The following TBPL2 variants were observed in gnomAD, a reference collection of about 807,000 sequenced individuals.
TBPL2 encodes the protein TATA box-binding protein-like 2.
In TBPL2, 40 loss-of-function variants were observed where a neutral mutation model predicts 38.2. The ratio of observed to expected loss-of-function variants is 1.05; its 90% CI spans 0.81 to 1.36. The LOEUF (loss-of-function observed/expected upper bound fraction) is 1.36, where lower values mean the gene tolerates loss of function less well. Ranked by LOEUF, TBPL2 falls within the 40% of genes most tolerant of loss-of-function variation. TBPL2 has a pLI of 0.00. For synonymous variants in TBPL2, 169 were observed against 171.7 expected, an observed-to-expected ratio of 0.98 and a Z score of 0.12; for missense variants, 461 against 456.7, an observed-to-expected ratio of 1.01 and a Z score of -0.09.
At chr14:55,427,047 G>A (rs928155626) in intron 5 of TBPL2, among the ~76,000 whole-genome samples, 1 of 152,192 alleles carries the variant, frequency 6.6e-6, no homozygotes, top group East Asian at 1.9e-4. Context: ...ACACTAAGCC[G>A]ATTCAGAGAA....
At chr14:55,428,291 G>A (rs962481731) in intron 5 of TBPL2, among the ~76,000 whole-genome samples, 3 of 151,864 alleles carry the variant, frequency 2.0e-5, no homozygotes, top group South Asian at 2.1e-4. Context: ...TGCCACGCCC[G>A]GCTAATTTTT....
At chr14:55,433,938 T>A (rs1885974736) in intron 3 of TBPL2, among the ~76,000 whole-genome samples, 1 of 152,224 alleles carries the variant, frequency 6.6e-6, no homozygotes, top group African/African-American at 2.4e-5. Context: ...TAAATTTGAA[T>A]GCCTGTTATG....
chr14:55,437,008 G>GTTCC lies in TBPL2; in HGVS notation c.160_161insGGAA (p.Ala54GlyfsTer16). Reference sequence around the variant, plus strand: ...GCTGAACAGGGGAGACCTGGGTGGGGCAAGGCCATCCTAGGCAGTTCCCAA... The same window carrying GTTCC: ...GCTGAACAGGGGAGACCTGGGTGGGGTTCCCAAGGCCATCCTAGGCAGTTCCCAA... On this transcript the variant is annotated frameshift_variant, in exon 2 of 7. Coordinates refer to ENST00000247219, the Ensembl canonical transcript of TBPL2. LOFTEE classifies it high-confidence loss of function. 6.2e-7 allele frequency: 1 copy of GTTCC among 1,613,876 alleles called. No individual in the cohort carries two copies. The highest frequency in any genetic ancestry group is 8.5e-7 in the Non-Finnish European group (1 of 1,179,768).
chr14:55,415,189 G>A (rs1189143141), intron 6 of TBPL2, among the ~76,000 whole-genome samples: 8 of 152,202 alleles, frequency 5.3e-5, no homozygotes, highest in Non-Finnish European at 1.2e-4. Context: ...TATTTATATG[G>A]AGCTTCAGCT....
At chr14:55,431,304 G>C (rs141241712) in intron 4 of TBPL2, among the ~76,000 whole-genome samples, 90 of 152,202 alleles carry the variant, frequency 5.9e-4, no homozygotes, top group African/African-American at 1.9e-3. Flanking sequence ...CAGATTTTAG[G>C]AATAAATTCA....
chr14:55,417,691 G>A (rs1885688631), intron 6 of TBPL2, among the ~76,000 whole-genome samples: 1 of 152,062 alleles, frequency 6.6e-6, no homozygotes, highest in African/African-American at 2.4e-5. Flanking sequence ...CAAACTCTTC[G>A]ACTCAAGTGA....
At chr14:55,429,597 C>G (rs1885890595) in intron 4 of TBPL2, among the ~76,000 whole-genome samples, 1 of 151,950 alleles carries the variant, frequency 6.6e-6, no homozygotes, top group African/African-American at 2.4e-5. Flanking sequence ...AACGCTGTCT[C>G]TACTAAAAAT....
intron 2 of TBPL2, 37 bp from the exon 3 acceptor site, chr14:55,435,971 T>C: frequency 8.2e-7 from 1 of 1,222,288 alleles, no homozygotes; most frequent in Non-Finnish European, 1.1e-6. Flanking sequence ...TTATATCAGA[T>C]ATAAAGAGTA....
chr14:55,440,099 A>G (rs1185942315), intron 1 of TBPL2, among the ~76,000 whole-genome samples: 3 of 139,064 alleles, frequency 2.2e-5, no homozygotes, highest in African/African-American at 3.2e-5. Flanking sequence ...CTCAGAGAAA[A>G]ATCAATCAAT....
intron 5 of TBPL2, 92 bp downstream of exon 5, chr14:55,428,715 C>A: frequency 3.8e-6 from 5 of 1,300,290 alleles, no homozygotes; most frequent in Non-Finnish European, 5.2e-6. Context: ...TTTTTAATCA[C>A]AATTTCTCTG....
intron 1 of TBPL2, among the ~76,000 whole-genome samples, chr14:55,437,491 T>C (rs1436332069): frequency 6.6e-6 from 1 of 152,128 alleles, no homozygotes; most frequent in Non-Finnish European, 1.5e-5. Context: ...AATGATTCTA[T>C]TACAGTTACA....
chr14:55,418,867 T>G (rs1281439613), intron 6 of TBPL2, among the ~76,000 whole-genome samples: 2 of 152,310 alleles, frequency 1.3e-5, no homozygotes, highest in East Asian at 3.9e-4. Flanking sequence ...AGCTCAACAG[T>G]GCCAGGCACT....
At chr14:55,417,516 C>T (rs1885686673) in intron 6 of TBPL2, among the ~76,000 whole-genome samples, 1 of 149,894 alleles carries the variant, frequency 6.7e-6, no homozygotes. Context: ...TGCTGTGGCA[C>T]CATCTCAGCT....
At chr14:55,432,369 C>T (rs933476415) in intron 4 of TBPL2, among the ~76,000 whole-genome samples, 1 of 149,782 alleles carries the variant, frequency 6.7e-6, no homozygotes, top group African/African-American at 2.5e-5. Flanking sequence ...GCCCAGATCA[C>T]ACCACTGCAC....
intron 4 of TBPL2, among the ~76,000 whole-genome samples, chr14:55,433,309 C>CTT (rs71131269): frequency 0.079 from 9,387 of 119,496 alleles, 1,085 homozygotes; most frequent in African/African-American, 0.26. Context: ...TTAGATTTCT[C>CTT]TTTTTTTTTT....
intron 5 of TBPL2, 109 bp downstream of exon 5, chr14:55,428,698 C>CTT (rs571276199): frequency 2.2e-4 from 211 of 974,954 alleles, no homozygotes; most frequent in Non-Finnish European, 2.3e-4. Flanking sequence ...TGTCCCCCGC[C>CTT]TTTTTTTTTT....
chr14:55,434,557 T>TA (rs1885984042), intron 3 of TBPL2, among the ~76,000 whole-genome samples: 1 of 144,792 alleles, frequency 6.9e-6, no homozygotes, highest in Non-Finnish European at 1.5e-5. Flanking sequence ...TGCCCACCCC[T>TA]ACCCCTCGTC....
exon 4 of TBPL2, chr14:55,433,636 G>T: frequency 6.2e-7 from 1 of 1,613,712 alleles, no homozygotes; most frequent in South Asian, 1.1e-5. Flanking sequence ...ATACCTTTTG[G>T]CTCCCGTGCA....
At chr14:55,435,913 G>C (rs1886004808) in exon 3 of TBPL2, 2 of 1,580,438 alleles carry the variant, frequency 1.3e-6, no homozygotes, top group African/African-American at 1.4e-5. Flanking sequence ...TACAGGCCAG[G>C]TTTACAGTGG....
Sources: gnomAD v4.1 joint callset for allele counts (sites outside exome capture counted in the v4.1 genomes callset) on GRCh38, gnomAD v4.1.1 for gene constraint, MANE v1.5 for transcripts, NCBI Gene and HGNC (gene_info 2026-07-23, HGNC 2026-07-21) for gene names.